Variants in TCF4 observed in about 807,000 individuals in gnomAD.
TCF4 encodes SL3-3 enhancer factor 2.
In TCF4, 3 loss-of-function variants were observed where a neutral mutation model predicts 82.1. That is an observed-to-expected ratio of 0.04 (90% CI 0.02 to 0.09). The LOEUF is 0.09. Ranked by LOEUF, TCF4 falls within the 10% of genes least tolerant of loss-of-function variation. The probability of loss-of-function intolerance (pLI) is 1.00; values close to 1 mark genes in which losing one functional copy is unlikely to be tolerated. For missense variants in TCF4, 518 were observed against 852.7 expected (o/e 0.61, Z 4.89); for synonymous variants, 276 against 309.6 (o/e 0.89, Z 1.14).
rs111494972 is a variant in TCF4 at position 55,465,417 on chromosome 18, CT to C, written c.146-1281del. On this transcript the variant is annotated intron_variant, in intron 3 of 19. Coordinates refer to ENST00000354452, the MANE Select transcript of TCF4 (RefSeq NM_001083962.2). The stretch of plus-strand genomic sequence containing the variant: ...AGTTATTACCATTAAATTAACTTCT[CT>C]TTTTTTTTTTAATGACAAATATTAT... Among the ~76,000 whole-genome samples the C allele has an allele frequency of 5.3e-3, 758 of 143,952 alleles. 4 individuals are homozygous for C. The highest frequency in any genetic ancestry group is 0.015 in the African/African-American group (582 of 39,294). The allele number at this position is 143,952 out of a possible 152,430, so 94.4% of individuals were successfully genotyped here. A position where few individuals can be genotyped will look rare whatever the true frequency, so the allele number is the denominator to read the frequency against.
chr18:55,585,463 T>C, intron 2 of TCF4, 111 bp from the exon 3 acceptor site: 1 of 1,030,052 alleles, frequency 9.7e-7, no homozygotes, highest in South Asian at 1.4e-5. Context: ...TGCTAAGGGT[T>C]TATTTAGTAA....
chr18:55,324,660 T>A (rs994788598), intron 8 of TCF4, among the ~76,000 whole-genome samples: 2 of 152,112 alleles, frequency 1.3e-5, no homozygotes, highest in Non-Finnish European at 2.9e-5. Flanking sequence ...GTAGGTAACT[T>A]GGTTACCTAC....
chr18:55,254,799 TAAATACA>T, intron 14 of TCF4, 99 bp from the exon 15 acceptor site: 3 of 1,043,738 alleles, frequency 2.9e-6, no homozygotes, highest in Non-Finnish European at 2.9e-6. Context: ...ACTGTGTTTC[TAAATACA>T]TGTTTCCAAT....
At chr18:55,372,296 A>G (rs2089467514) in intron 6 of TCF4, among the ~76,000 whole-genome samples, 1 of 152,128 alleles carries the variant, frequency 6.6e-6, no homozygotes, top group Non-Finnish European at 1.5e-5. Flanking sequence ...GGAAAAATAA[A>G]TAAATCACAA....
chr18:55,577,688 T>C (rs1345318599), intron 3 of TCF4, among the ~76,000 whole-genome samples: 1 of 152,090 alleles, frequency 6.6e-6, no homozygotes. Flanking sequence ...ATTAAAAACC[T>C]TCCATTTGGA....
At chr18:55,413,381 C>G (rs2094423220) in intron 5 of TCF4, among the ~76,000 whole-genome samples, 1 of 152,066 alleles carries the variant, frequency 6.6e-6, no homozygotes, top group South Asian at 2.1e-4. Flanking sequence ...AAAACACATT[C>G]CAAGGAAGAC....
At position 55,426,099 on chromosome 18, in the gene TCF4, T is replaced by A. The variant is rs1040438552; in HGVS notation, c.305-22581A>T. Among the ~76,000 whole-genome samples the A allele has an allele frequency of 9.9e-4, 138 of 139,136 alleles. 2 individuals carry two copies. In the East Asian group the frequency reaches 0.025, roughly 26 times the overall value. The allele number at this position is 139,136 out of a possible 152,430, so 91.3% of individuals were successfully genotyped here. On this transcript the variant is annotated intron_variant, in intron 5 of 19. Transcript: ENST00000354452. ...AAAACACAAACCAAGACAAAAAATT[T>A]TATATATATATATATATATACACAC...
At chr18:55,613,226 A>C (rs575629700) in intron 2 of TCF4, among the ~76,000 whole-genome samples, 185 of 152,144 alleles carry the variant, frequency 1.2e-3, no homozygotes, top group African/African-American at 4.3e-3. Context: ...AAGCTTCCTC[A>C]TGCCCCTATG....
chr18:55,472,230 G>A (rs914373592), intron 3 of TCF4, among the ~76,000 whole-genome samples: 2 of 152,098 alleles, frequency 1.3e-5, no homozygotes, highest in Admixed American at 1.3e-4. Context: ...AAAATGAAGT[G>A]GGTAACTGTT....
chr18:55,369,898 A>G (rs541404003), intron 6 of TCF4, among the ~76,000 whole-genome samples: 1 of 149,462 alleles, frequency 6.7e-6, no homozygotes, highest in East Asian at 2.0e-4. Context: ...TAAAAAGTGA[A>G]CATCAGAGTT....
At chr18:55,363,198 C>T (rs2085930720) in intron 6 of TCF4, among the ~76,000 whole-genome samples, 1 of 151,752 alleles carries the variant, frequency 6.6e-6, no homozygotes, top group South Asian at 2.1e-4. Context: ...TAAATTAAAG[C>T]AATGTGCGGC....
chr18:55,253,365 T>C (rs2055829491), intron 15 of TCF4, among the ~76,000 whole-genome samples: 1 of 152,150 alleles, frequency 6.6e-6, no homozygotes, highest in Admixed American at 6.5e-5. Context: ...AAGCAACTTT[T>C]AGCGAGCCTG....
At chr18:55,365,191 A>ATATATATATATGTGTGTG (rs1361444592) in intron 6 of TCF4, among the ~76,000 whole-genome samples, 7 of 97,932 alleles carry the variant, frequency 7.1e-5, no homozygotes, top group African/African-American at 3.0e-4. Flanking sequence ...ATATATATAT[A>ATATATATATATGTGTGTG]TGTGTGTGTG....
intron 2 of TCF4, among the ~76,000 whole-genome samples, chr18:55,618,579 T>C (rs1455406876): frequency 6.7e-6 from 1 of 150,102 alleles, no homozygotes; most frequent in Non-Finnish European, 1.5e-5. Context: ...TCTTTTCTCT[T>C]TTTTTTTTGT....
At chr18:55,276,757 C>T (rs1601140342) in intron 9 of TCF4, among the ~76,000 whole-genome samples, 1 of 152,122 alleles carries the variant, frequency 6.6e-6, no homozygotes, top group Non-Finnish European at 1.5e-5. Context: ...GATATTGCTT[C>T]CTTGAAAATA....
rs960425401 is a variant in TCF4 at position 55,339,668 on chromosome 18, C to T, written c.549+10691G>A. ...TTGTGGAATGTGGAGACCACGCTTC[C>T]GCTCACACCTCCCCCCTCCCTACTT... is the stretch of plus-strand genomic sequence containing the variant. On this transcript the variant is annotated intron_variant, in intron 8 of 19. Transcript: ENST00000354452. Among the ~76,000 whole-genome samples the T allele has an allele frequency of 6.6e-5, 10 of 152,230 alleles. No individual in the cohort carries two copies. The South Asian group carries it at 1.7e-3, about 25-fold the overall frequency.
At chr18:55,281,206 C>CA (rs1366446706) in intron 8 of TCF4, among the ~76,000 whole-genome samples, 1 of 152,022 alleles carries the variant, frequency 6.6e-6, no homozygotes, top group African/African-American at 2.4e-5. Flanking sequence ...TTTTAAGAAA[C>CA]AAAGAATAAA....
intron 15 of TCF4, among the ~76,000 whole-genome samples, chr18:55,246,024 A>C (rs576352959): frequency 3.3e-5 from 5 of 152,228 alleles, no homozygotes; most frequent in Non-Finnish European, 7.3e-5. Context: ...TGAGAAAATA[A>C]GGGTAATATT....
At chr18:55,346,272 GTT>G (rs1311937269) in intron 8 of TCF4, among the ~76,000 whole-genome samples, 2 of 151,990 alleles carry the variant, frequency 1.3e-5, no homozygotes, top group African/African-American at 4.8e-5. Flanking sequence ...AATACACATT[GTT>G]TTTATTTTTC....
Sources: gnomAD v4.1 joint callset for allele counts (sites outside exome capture counted in the v4.1 genomes callset) on GRCh38, gnomAD v4.1.1 for gene constraint, MANE v1.5 for transcripts, NCBI Gene and HGNC (gene_info 2026-07-23, HGNC 2026-07-21) for gene names.